Variants in GRM7 observed in about 807,000 individuals in gnomAD.
The protein encoded by GRM7 is glutamate metabotropic receptor 7, also known as metabotropic glutamate receptor 7.
A neutral mutation model predicts 84.5 loss-of-function variants in GRM7; 35 were observed. The ratio of observed to expected loss-of-function variants is 0.41; its 90% CI spans 0.32 to 0.55. The LOEUF (loss-of-function observed/expected upper bound fraction) is 0.55. Ranked by LOEUF, GRM7 falls within the 20% of genes least tolerant of loss-of-function variation. GRM7 has a pLI of 0.19. For synonymous variants in GRM7, 487 were observed against 455.1 expected (o/e 1.07, Z -0.89); for missense variants, 1,003 against 1,194.6 (o/e 0.84, Z 2.36).
In GRM7 at chr3:7,347,024, A is replaced by G. The variant is rs115509575; in HGVS notation, c.1033+40372A>G. 8.5e-3 allele frequency among the ~76,000 whole-genome samples: 1,297 copies of G among 152,266 alleles called. 11 individuals carry two copies. The highest frequency in any genetic ancestry group is 0.015 in the Non-Finnish European group (1,028 of 67,994). ...GGCAGATTGGTTATGGAGTGAAAAC[A>G]CTGTATTAGATATAAACAGAACATC... is the stretch of plus-strand genomic sequence containing the variant. On this transcript the variant is annotated intron_variant, in intron 4 of 9. Coordinates refer to ENST00000357716, the MANE Select transcript of GRM7 (RefSeq NM_000844.4).
intron 1 of GRM7, among the ~76,000 whole-genome samples, chr3:6,954,465 C>T (rs1490985936): frequency 6.6e-6 from 1 of 152,180 alleles, no homozygotes; most frequent in Non-Finnish European, 1.5e-5. Flanking sequence ...TTCCCCCTCA[C>T]CTTCTGACAT....
At chr3:7,323,462 T>C (rs1349974719) in intron 4 of GRM7, among the ~76,000 whole-genome samples, 4 of 152,190 alleles carry the variant, frequency 2.6e-5, no homozygotes, top group African/African-American at 9.7e-5. Context: ...ACATCTGTCT[T>C]ACTAAGGCAT....
intron 1 of GRM7, among the ~76,000 whole-genome samples, chr3:6,896,518 C>T (rs1324218230): frequency 6.6e-6 from 1 of 152,164 alleles, no homozygotes. Context: ...TGTGCATAAT[C>T]TAAAATGCAA....
At chr3:7,108,606 A>ACT (rs1267106447) in intron 1 of GRM7, among the ~76,000 whole-genome samples, 1 of 151,896 alleles carries the variant, frequency 6.6e-6, no homozygotes, top group East Asian at 1.9e-4. Flanking sequence ...CACACAAGAG[A>ACT]AAGAATGGTT....
At chr3:7,507,870 C>T (rs928333239) in intron 7 of GRM7, among the ~76,000 whole-genome samples, 1 of 152,126 alleles carries the variant, frequency 6.6e-6, no homozygotes, top group Admixed American at 6.5e-5. Context: ...AAAATATATA[C>T]AAGTTCTGGT....
rs141453265 is a variant in GRM7, at chr3:6,864,083, G to A, written c.519+2176G>A. ...GAGGAGAAAGTAACCCAATGTTAGC[G>A]TTAGCGTTATGGCTGGGGAGTAAAA... On this transcript the variant is annotated intron_variant, in intron 1 of 9. Transcript: ENST00000357716. 4.2e-3 allele frequency among the ~76,000 whole-genome samples: 642 copies of A among 152,288 alleles called. 18 individuals carry two copies. The highest frequency in any genetic ancestry group is 0.036 in the Admixed American group (545 of 15,302).
At chr3:7,649,584 T>C (rs1161738150) in intron 8 of GRM7, among the ~76,000 whole-genome samples, 3 of 152,308 alleles carry the variant, frequency 2.0e-5, no homozygotes, top group African/African-American at 7.2e-5. Flanking sequence ...CACTGGTATA[T>C]ATGACAGTGT....
chr3:7,220,195 C>T (rs547432079), intron 2 of GRM7, among the ~76,000 whole-genome samples: 2 of 152,302 alleles, frequency 1.3e-5, no homozygotes, highest in East Asian at 3.9e-4. Flanking sequence ...TTGTGGGCTA[C>T]ACATGGTGAC....
Position 7,652,704 on chromosome 3 carries a change from T to C in GRM7, c.2452-27345T>C, listed in dbSNP as rs370474157. Among the ~76,000 whole-genome samples, 140 of 152,366 alleles carry C rather than the reference T, an allele frequency of 9.2e-4. 1 individual carries two copies. The South Asian group carries it at 0.026, about 29-fold the overall frequency. On this transcript the variant is annotated intron_variant, in intron 8 of 9. Coordinates refer to ENST00000357716, the MANE Select transcript of GRM7 (RefSeq NM_000844.4). ...TTAAGTTGACTGAAACCACCCATTATGGTTGGCCATGCCAGTCAAAATAAG... is the reference window on the plus strand; with the variant it reads ...TTAAGTTGACTGAAACCACCCATTACGGTTGGCCATGCCAGTCAAAATAAG...
Position 7,616,974 on chromosome 3 carries a change from A to G in GRM7, c.2451+37617A>G, listed in dbSNP as rs1575559643. ...TCTAAAGTTAACCGGGAAGAAGAAA[A>G]TAATAAAGACAAGTTTGAAAAAACA... is the stretch of plus-strand genomic sequence containing the variant. On this transcript the variant is annotated intron_variant, in intron 8 of 9. Coordinates refer to ENST00000357716, the MANE Select transcript of GRM7 (RefSeq NM_000844.4). Among the ~76,000 whole-genome samples the G allele has an allele frequency of 2.6e-5, 4 of 152,268 alleles. No homozygotes were observed. In the South Asian group the frequency reaches 8.3e-4, roughly 32 times the overall value.
intron 8 of GRM7, among the ~76,000 whole-genome samples, chr3:7,638,398 G>C (rs1698197741): frequency 6.6e-6 from 1 of 152,136 alleles, no homozygotes; most frequent in African/African-American, 2.4e-5. Flanking sequence ...GAAGACATCA[G>C]TATCCCCTTT....
chr3:7,137,760 A>G (rs1693817054), intron 1 of GRM7, among the ~76,000 whole-genome samples: 1 of 151,950 alleles, frequency 6.6e-6, no homozygotes, highest in Non-Finnish European at 1.5e-5. Context: ...GCAATTCAGG[A>G]CCAGAAAAAC....
chr3:6,901,944 T>G (rs1159391428), intron 1 of GRM7, among the ~76,000 whole-genome samples: 1 of 152,204 alleles, frequency 6.6e-6, no homozygotes, highest in Non-Finnish European at 1.5e-5. Flanking sequence ...TTTTTAATTT[T>G]CTACATGTTT....
intron 2 of GRM7, among the ~76,000 whole-genome samples, chr3:7,173,546 G>A (rs1200347114): frequency 6.6e-6 from 1 of 152,160 alleles, no homozygotes; most frequent in Non-Finnish European, 1.5e-5. Flanking sequence ...ACTTGGCCCT[G>A]CTTGGATCAA....
At chr3:6,882,133 C>G (rs918818468) in intron 1 of GRM7, among the ~76,000 whole-genome samples, 6 of 152,036 alleles carry the variant, frequency 3.9e-5, no homozygotes, top group Non-Finnish European at 7.4e-5. Flanking sequence ...ATCTCCAATT[C>G]TTTGAAAGGT....
intron 7 of GRM7, among the ~76,000 whole-genome samples, chr3:7,537,642 T>A (rs1692625059): frequency 6.6e-6 from 1 of 152,214 alleles, no homozygotes; most frequent in African/African-American, 2.4e-5. Context: ...GTCAGTTCCA[T>A]AAAATACTTA....
At chr3:6,968,557 G>A (rs1376214736) in intron 1 of GRM7, among the ~76,000 whole-genome samples, 1 of 152,092 alleles carries the variant, frequency 6.6e-6, no homozygotes, top group African/African-American at 2.4e-5. Flanking sequence ...AATGCTTATT[G>A]CAACATTAAG....
chr3:7,553,400 GT>G (rs1252541923), intron 7 of GRM7, among the ~76,000 whole-genome samples: 1 of 152,178 alleles, frequency 6.6e-6, no homozygotes, highest in Non-Finnish European at 1.5e-5. Flanking sequence ...CTGTTATCCA[GT>G]TCCAAAGTTG....
At chr3:6,923,015 T>C (rs571381586) in intron 1 of GRM7, among the ~76,000 whole-genome samples, 1 of 151,542 alleles carries the variant, frequency 6.6e-6, no homozygotes, top group South Asian at 2.1e-4. Context: ...TTTATTTTCT[T>C]TATCTTTTTC....
Sources: allele counts gnomAD v4.1 joint callset (sites outside exome capture counted in the v4.1 genomes callset), GRCh38; gene constraint gnomAD v4.1.1; transcripts MANE v1.5; gene names NCBI Gene and HGNC (gene_info 2026-07-23, HGNC 2026-07-21).